TMEM181: variants seen among roughly 807,000 people sequenced by gnomAD.
The protein encoded by TMEM181 is transmembrane protein 181.
Under a neutral mutation model 71.9 loss-of-function variants are expected in TMEM181, and 39 were observed. That is an observed-to-expected ratio of 0.54 (90% CI 0.42 to 0.71). TMEM181 has a LOEUF of 0.71. Ranked by LOEUF, TMEM181 falls within the 30% of genes least tolerant of loss-of-function variation. The probability of loss-of-function intolerance (pLI) is 0.00; values close to 1 mark genes in which losing one functional copy is unlikely to be tolerated. For missense variants in TMEM181, 595 were observed against 583.0 expected (o/e 1.02, Z -0.21); for synonymous variants, 245 against 228.8 (o/e 1.07, Z -0.64).
intron 1 of TMEM181, among the ~76,000 whole-genome samples, chr6:158,561,935 C>T (rs1198159057): frequency 6.6e-6 from 1 of 152,200 alleles, no homozygotes; most frequent in Non-Finnish European, 1.5e-5. Flanking sequence ...GCCTGAAAAT[C>T]CGAAGTGCGT....
intron 1 of TMEM181, among the ~76,000 whole-genome samples, chr6:158,542,079 T>C (rs1305083605): frequency 2.0e-5 from 3 of 151,434 alleles, no homozygotes; most frequent in African/African-American, 7.3e-5. Context: ...CTAATTTTTG[T>C]TTTTTTTAGT....
chr6:158,614,550 A>G (rs1785506096), intron 10 of TMEM181, among the ~76,000 whole-genome samples: 1 of 152,154 alleles, frequency 6.6e-6, no homozygotes. Flanking sequence ...GGTTTGTTAC[A>G]TATGTATACA....
intron 6 of TMEM181, among the ~76,000 whole-genome samples, chr6:158,597,460 G>A (rs568494058): frequency 6.6e-6 from 1 of 152,076 alleles, no homozygotes; most frequent in African/African-American, 2.4e-5. Context: ...GACACATTCT[G>A]TGCCCTCAGT....
intron 1 of TMEM181, among the ~76,000 whole-genome samples, chr6:158,560,826 T>C (rs1782125403): frequency 6.6e-6 from 1 of 151,942 alleles, no homozygotes; most frequent in Admixed American, 6.5e-5. Flanking sequence ...TTTTTTTTTT[T>C]TCTTTACCTC....
In TMEM181 at chr6:158,572,708, C is replaced by T. The variant is rs551129250; in HGVS notation, c.9-712C>T. On this transcript the variant is annotated intron_variant, in intron 1 of 16. Transcript: ENST00000684151. ...TTCTAAAAGAAATGATCCCTGCCTCCTAGAGTTTTCCTGTGACTGGGCAGA... is the reference window on the plus strand; with the variant it reads ...TTCTAAAAGAAATGATCCCTGCCTCTTAGAGTTTTCCTGTGACTGGGCAGA... 2.6e-5 allele frequency among the ~76,000 whole-genome samples: 4 copies of T among 152,202 alleles called. No homozygotes were observed. In the South Asian group the frequency reaches 8.3e-4, roughly 31 times the overall value.
Position 158,573,512 on chromosome 6 carries a change from T to C in TMEM181, c.101T>C (p.Val34Ala). The C allele has an allele frequency of 6.2e-7, 1 of 1,605,742 alleles. No individual in the cohort carries two copies. Among genetic ancestry groups the C allele is most frequent in the Non-Finnish European group, 8.5e-7 (1 of 1,176,162 alleles). Reference sequence around the variant, plus strand: ...ATCTGCTTTGGCCTGACCATCTTCGTTGGGATCAGAGGTAAGGTTCGGTTT... The same window carrying C: ...ATCTGCTTTGGCCTGACCATCTTCGCTGGGATCAGAGGTAAGGTTCGGTTT... ...FFICFGLTIF[V>A]GIRGPKVIQT... Residue 34 changes from valine to alanine, a missense_variant, in exon 2 of 17, where the codon GTT becomes GCT. Physicochemically the swap from Val to Ala is moderately conservative, Grantham distance 64 (BLOSUM62 0). Coordinates refer to ENST00000684151, the MANE Select transcript of TMEM181 (RefSeq NM_001376852.1).
At chr6:158,604,350 G>A (rs1321527410) in intron 6 of TMEM181, among the ~76,000 whole-genome samples, 1 of 152,114 alleles carries the variant, frequency 6.6e-6, no homozygotes, top group Non-Finnish European at 1.5e-5. Context: ...GTGTGTGTGT[G>A]TGCGTGATGT....
chr6:158,536,947 T>C, intron 1 of TMEM181: 1 of 1,116,284 alleles, frequency 9.0e-7, no homozygotes, highest in Non-Finnish European at 1.1e-6. Flanking sequence ...CGCCCCGGCC[T>C]TGGCCTGGTC....
chr6:158,622,643 T>C (rs9456332), intron 10 of TMEM181, among the ~76,000 whole-genome samples: 91,835 of 152,128 alleles, frequency 0.6, 28,070 homozygotes, highest in African/African-American at 0.68. Context: ...TGCAGCTGAT[T>C]TCAGTTAACT....
intron 7 of TMEM181, among the ~76,000 whole-genome samples, chr6:158,606,547 C>T (rs1784968997): frequency 6.6e-6 from 1 of 152,160 alleles, no homozygotes; most frequent in Admixed American, 6.5e-5. Context: ...GCAAGGAAAC[C>T]CACATTGCCT....
At chr6:158,623,295 T>G (rs780910137) in intron 10 of TMEM181, among the ~76,000 whole-genome samples, 27 of 152,332 alleles carry the variant, frequency 1.8e-4, no homozygotes, top group Admixed American at 7.8e-4. Context: ...TATAGGGTTT[T>G]GTGTAATAAA....
intron 6 of TMEM181, among the ~76,000 whole-genome samples, chr6:158,599,668 C>T (rs1181566643): frequency 6.6e-6 from 1 of 152,232 alleles, no homozygotes; most frequent in Non-Finnish European, 1.5e-5. Context: ...CTTGTGGACG[C>T]CTGTGAGGCA....
chr6:158,578,913 G>A (rs527565740), intron 2 of TMEM181, among the ~76,000 whole-genome samples: 2 of 152,338 alleles, frequency 1.3e-5, no homozygotes, highest in East Asian at 3.9e-4. Context: ...CATGCAAATA[G>A]CACCACATGA....
chr6:158,600,898 A>G (rs1333678574), intron 6 of TMEM181, among the ~76,000 whole-genome samples: 1 of 152,196 alleles, frequency 6.6e-6, no homozygotes, highest in Non-Finnish European at 1.5e-5. Flanking sequence ...GTTCCTTGAG[A>G]GTAAAAACAA....
rs1306877633 is a variant in TMEM181, at chr6:158,618,149, A to T, written c.897-5401A>T. Among the ~76,000 whole-genome samples the T allele has an allele frequency of 2.6e-5, 4 of 152,320 alleles. No individual in the cohort carries two copies. In the East Asian group the frequency reaches 7.7e-4, roughly 29 times the overall value. On this transcript the variant is annotated intron_variant, in intron 10 of 16. Transcript: ENST00000684151. ...TAGGTCTCTAAGGACTTGCTTTATGAATCTGGTTGCTCCTGTATTGGGTGC... is the reference window on the plus strand; with the variant it reads ...TAGGTCTCTAAGGACTTGCTTTATGTATCTGGTTGCTCCTGTATTGGGTGC...
At chr6:158,585,233 GC>G (rs1298508966) in intron 4 of TMEM181, 70 bp from the exon 5 acceptor site, 1 of 1,484,546 alleles carries the variant, frequency 6.7e-7, no homozygotes, top group Non-Finnish European at 8.9e-7. Flanking sequence ...TCATTACAGA[GC>G]CAGGAAGGCA....
chr6:158,541,024 A>C (rs189129522), intron 1 of TMEM181, among the ~76,000 whole-genome samples: 27,692 of 152,028 alleles, frequency 0.18, 2,786 homozygotes, highest in Non-Finnish European at 0.21. Flanking sequence ...GGGAGCTTTT[A>C]AAAACAAAGA....
At chr6:158,544,229 G>C (rs1781452568) in intron 1 of TMEM181, among the ~76,000 whole-genome samples, 2 of 151,282 alleles carry the variant, frequency 1.3e-5, no homozygotes, top group Admixed American at 1.3e-4. Context: ...TGGGGTGAGG[G>C]AGAGTATGCA....
intron 10 of TMEM181, among the ~76,000 whole-genome samples, chr6:158,612,449 A>C (rs1305362036): frequency 1.3e-5 from 2 of 152,204 alleles, no homozygotes; most frequent in Admixed American, 6.5e-5. Context: ...TTGTCTGTGA[A>C]ATAGCCATGC....
Sources: gnomAD v4.1 joint callset for allele counts (sites outside exome capture counted in the v4.1 genomes callset) on GRCh38, gnomAD v4.1.1 for gene constraint, MANE v1.5 for transcripts, NCBI Gene and HGNC (gene_info 2026-07-23, HGNC 2026-07-21) for gene names.